SV2B: variants seen among roughly 807,000 people sequenced by gnomAD.
SV2B encodes solute carrier family 22 member B2.
Under a neutral mutation model 73.9 loss-of-function variants are expected in SV2B, and 41 were observed. The ratio of observed to expected loss-of-function variants is 0.56; its 90% CI spans 0.43 to 0.72. SV2B has a LOEUF of 0.72. Among genes scored for constraint, SV2B ranks in the 30% least tolerant of loss-of-function variants. The pLI is 0.00. For missense variants in SV2B, 764 were observed against 857.8 expected (o/e 0.89, Z 1.37); for synonymous variants, 314 against 314.2 (o/e 1.00, Z 0.01).
Position 91,295,091 on chromosome 15 carries a change from G to A in SV2B, c.*2539G>A, listed in dbSNP as rs1205141986. The stretch of plus-strand genomic sequence containing the variant: ...TTTCACTTCATGTTCTACCCCAAGA[G>A]ACTCCCGATGTCGGCTGTGGAGGGT... On this transcript the variant is annotated 3_prime_UTR_variant, in exon 13 of 13. Transcript: ENST00000394232. The A allele has an allele frequency of 6.6e-6, 1 of 152,618 alleles. No homozygotes were observed. The highest frequency in any genetic ancestry group is 6.5e-5 in the Admixed American group (1 of 15,274). 9.5% of individuals were successfully genotyped at this position (152,618 alleles called of 1,614,324 possible). A position where few individuals can be genotyped will look rare whatever the true frequency, so the allele number is the denominator to read the frequency against.
At chr15:91,279,425 A>G (rs946526399) in intron 9 of SV2B, among the ~76,000 whole-genome samples, 11 of 152,256 alleles carry the variant, frequency 7.2e-5, no homozygotes, top group African/African-American at 2.7e-4. Context: ...CCTTAAAGGA[A>G]AAGCTTACAA....
intron 4 of SV2B, among the ~76,000 whole-genome samples, chr15:91,255,910 CA>C (rs2047672701): frequency 6.6e-6 from 1 of 152,172 alleles, no homozygotes; most frequent in South Asian, 2.1e-4. Flanking sequence ...AATCTTCTAA[CA>C]AATGCAAGTG....
intron 1 of SV2B, among the ~76,000 whole-genome samples, chr15:91,125,438 C>T (rs1470648757): frequency 1.3e-5 from 2 of 152,104 alleles, no homozygotes; most frequent in East Asian, 3.9e-4. Flanking sequence ...GTATGATCAT[C>T]ATTCTGCAGT....
intron 1 of SV2B, among the ~76,000 whole-genome samples, chr15:91,172,413 A>G (rs989302256): frequency 6.6e-6 from 1 of 152,232 alleles, no homozygotes; most frequent in Non-Finnish European, 1.5e-5. Context: ...GATACAGAAG[A>G]CACAGCTCAG....
In SV2B at chr15:91,129,612, G is replaced by A. The variant is rs559150829; in HGVS notation, c.-392+29249G>A. ...GCACAGACTAGGACTGCATCTGGTT[G>A]CCTCCAGATGGCTTTAGGGGCCATG... On this transcript the variant is annotated intron_variant, in intron 1 of 12. Transcript: ENST00000394232. This position sits in a 1 kb window ranked among gnomAD's most constrained non-coding sequence, Gnocchi z 5.1. Among the ~76,000 whole-genome samples, 5 of 152,354 alleles carry A rather than the reference G, an allele frequency of 3.3e-5. No homozygotes were observed. In the South Asian group the frequency reaches 1.0e-3, roughly 32 times the overall value.
intron 1 of SV2B, among the ~76,000 whole-genome samples, chr15:91,149,696 A>G (rs2043251971): frequency 6.6e-6 from 1 of 152,262 alleles, no homozygotes; most frequent in Non-Finnish European, 1.5e-5. Flanking sequence ...AGGTGGTGCT[A>G]TCTGTTGTCC....
intron 1 of SV2B, among the ~76,000 whole-genome samples, chr15:91,198,825 A>G (rs2045355443): frequency 6.6e-6 from 1 of 152,192 alleles, no homozygotes; most frequent in Non-Finnish European, 1.5e-5. Flanking sequence ...CTGTTGCTGT[A>G]TGCATGCAGC....
chr15:91,247,500 C>T (rs893607392), intron 2 of SV2B, among the ~76,000 whole-genome samples: 1 of 152,102 alleles, frequency 6.6e-6, no homozygotes. Flanking sequence ...GCTACCTCCC[C>T]TAGGGCTTGG....
At chr15:91,158,724 C>CTCTCCTCTTT (rs1555473901) in intron 1 of SV2B, among the ~76,000 whole-genome samples, 3 of 56,686 alleles carry the variant, frequency 5.3e-5, no homozygotes, top group Admixed American at 1.6e-4. Context: ...CTCTCCTCTC[C>CTCTCCTCTTT]TCTCTTCTCC....
Position 91,225,959 on chromosome 15 carries a change from C to A in SV2B, c.-305C>A. 2.6e-6 allele frequency: 1 copy of A among 385,078 alleles called. No homozygotes were observed. Among genetic ancestry groups the A allele is most frequent in the Non-Finnish European group, 4.7e-6 (1 of 213,080 alleles). 23.9% of individuals were successfully genotyped at this position (385,078 alleles called of 1,614,324 possible). A position where few individuals can be genotyped will look rare whatever the true frequency, so the allele number is the denominator to read the frequency against. The stretch of plus-strand genomic sequence containing the variant: ...TCCCTGTCAAGAAAAACAGCTGGAT[C>A]CATTTCTAATCAACACTTCCCAACG... On this transcript the variant is annotated 5_prime_UTR_variant, in exon 2 of 13. Transcript: ENST00000394232.
chr15:91,229,662 G>C lies in SV2B; in HGVS notation c.451+2948G>C, dbSNP rs1350110872. Among the ~76,000 whole-genome samples, 1 of 152,146 alleles carries C rather than the reference G, an allele frequency of 6.6e-6. No homozygotes were observed. The highest frequency in any genetic ancestry group is 1.5e-5 in the Non-Finnish European group (1 of 68,026). On this transcript the variant is annotated intron_variant, in intron 2 of 12. Coordinates refer to ENST00000394232, the MANE Select transcript of SV2B (RefSeq NM_001323032.3). This position sits in a 1 kb window ranked among gnomAD's most constrained non-coding sequence, Gnocchi z 4.3. ...AGGATTATTCTGAGGACTAAATAAG[G>C]TTAATCCATTTAACATGACTAAAAC...
In SV2B at chr15:91,141,564, AAG is replaced by A. The variant is rs1400975096; in HGVS notation, c.-392+41204_-392+41205del. On this transcript the variant is annotated intron_variant, in intron 1 of 12. Coordinates refer to ENST00000394232, the MANE Select transcript of SV2B (RefSeq NM_001323032.3). This position sits in a 1 kb window ranked among gnomAD's most constrained non-coding sequence, Gnocchi z 4.6. Reference sequence around the variant, plus strand: ...CAGCGAGCTTTGCTTTGAATGTCTAAAGAGTGGTAAGGGTAATATCTACTTGA... The same window carrying A: ...CAGCGAGCTTTGCTTTGAATGTCTAAAGTGGTAAGGGTAATATCTACTTGA... Among the ~76,000 whole-genome samples, 2 of 152,218 alleles carry A rather than the reference AAG, an allele frequency of 1.3e-5. No individual in the cohort carries two copies. The highest frequency in any genetic ancestry group is 1.5e-5 in the Non-Finnish European group (1 of 68,036).
chr15:91,196,714 C>T (rs1408691947), intron 1 of SV2B, among the ~76,000 whole-genome samples: 2 of 152,210 alleles, frequency 1.3e-5, no homozygotes, highest in Non-Finnish European at 2.9e-5. Context: ...GAATTATCCT[C>T]TACTTATATG....
In SV2B at chr15:91,118,174, G is replaced by T. The variant is rs1006416514; in HGVS notation, c.-392+17811G>T. On this transcript the variant is annotated intron_variant, in intron 1 of 12. Transcript: ENST00000394232. The surrounding 1 kb of genome is among the most constrained non-coding windows in gnomAD (Gnocchi z 4.7). ...GGCCTCCAAGAGACTCCCTTATGGG[G>T]AGTGGAGATGCTTGCAAAAAGGGAG... Among the ~76,000 whole-genome samples, 6 of 152,196 alleles carry T rather than the reference G, an allele frequency of 3.9e-5. No individual in the cohort carries two copies. Among genetic ancestry groups the T allele is most frequent in the African/African-American group, 1.4e-4 (6 of 41,442 alleles).
At position 91,165,206 on chromosome 15, in the gene SV2B, G is replaced by A. The variant is rs577549249; in HGVS notation, c.-391-60667G>A. On this transcript the variant is annotated intron_variant, in intron 1 of 12. Transcript: ENST00000394232. ...ACAAAAATTAGCCAGGTGTGGTGGC[G>A]AGCCCCTGTAATCCCAGCTACCTGG... Among the ~76,000 whole-genome samples the A allele has an allele frequency of 7.9e-5, 12 of 152,164 alleles. No homozygotes were observed. In the South Asian group the frequency reaches 1.5e-3, roughly 18 times the overall value.
At position 91,128,708 on chromosome 15, in the gene SV2B, C is replaced by G. The variant is rs532370354; in HGVS notation, c.-392+28345C>G. 2 of 152,382 alleles carry G rather than the reference C, an allele frequency of 1.3e-5. No individual in the cohort carries two copies. Among genetic ancestry groups the G allele is most frequent in the East Asian group, 3.9e-4 (2 of 5,188 alleles). 9.4% of individuals were successfully genotyped at this position (152,382 alleles called of 1,614,324 possible). ...GCCATAAAGAAATTATCTGACCAACCTTCTTTGACTATAGGTCCTAAGACT... is the reference window on the plus strand; with the variant it reads ...GCCATAAAGAAATTATCTGACCAACGTTCTTTGACTATAGGTCCTAAGACT... On this transcript the variant is annotated intron_variant, in intron 1 of 12. Transcript: ENST00000394232. The surrounding 1 kb of genome is among the most constrained non-coding windows in gnomAD (Gnocchi z 4.2).
intron 1 of SV2B, among the ~76,000 whole-genome samples, chr15:91,135,146 G>A (rs933016134): frequency 2.0e-5 from 3 of 151,788 alleles, no homozygotes; most frequent in African/African-American, 7.3e-5. Context: ...ACCCCTCTCC[G>A]CCATCATGAA....
intron 9 of SV2B, among the ~76,000 whole-genome samples, chr15:91,276,806 TTA>T (rs1395088045): frequency 1.1e-5 from 1 of 89,286 alleles, no homozygotes; most frequent in Non-Finnish European, 2.2e-5. Context: ...ATTGTTGTTG[TTA>T]TTATTATTAT....
intron 1 of SV2B, among the ~76,000 whole-genome samples, chr15:91,160,396 C>T (rs1254116991): frequency 1.3e-5 from 2 of 152,086 alleles, no homozygotes; most frequent in East Asian, 1.9e-4. Flanking sequence ...TCACTTGAGG[C>T]CAGGAGTTTG....
Sources: allele counts gnomAD v4.1 joint callset (sites outside exome capture counted in the v4.1 genomes callset), GRCh38; gene constraint gnomAD v4.1.1; non-coding constraint Gnocchi (gnomAD v3.1); transcripts MANE v1.5; gene names NCBI Gene and HGNC (gene_info 2026-07-23, HGNC 2026-07-21).